Variants in PRKDC observed in about 807,000 individuals in gnomAD.
PRKDC encodes protein kinase, DNA-activated, catalytic subunit.
A neutral mutation model predicts 486.9 loss-of-function variants in PRKDC; 82 were observed. The ratio of observed to expected loss-of-function variants is 0.17; its 90% CI spans 0.14 to 0.20. The LOEUF (loss-of-function observed/expected upper bound fraction) is 0.20. Among genes scored for constraint, PRKDC ranks in the 10% least tolerant of loss-of-function variants. The pLI is 1.00. For missense variants in PRKDC, 4,504 were observed against 5,038.2 expected (o/e 0.89, Z 3.21); for synonymous variants, 1,895 against 1,837.0 (o/e 1.03, Z -0.81).
intron 83 of PRKDC, 134 bp from the exon 84 acceptor site, chr8:47,778,008 G>T: frequency 1.1e-6 from 1 of 882,592 alleles, no homozygotes; most frequent in Non-Finnish European, 1.7e-6. Flanking sequence ...CTTGAAATCA[G>T]CTACACAGAT....
chr8:47,776,694 C>T, intron 85 of PRKDC, 150 bp downstream of exon 85: 3 of 1,095,878 alleles, frequency 2.7e-6, no homozygotes, highest in Non-Finnish European at 3.9e-6. Context: ...GGAAGTCAGC[C>T]TCTCTAAGCC....
At chr8:47,839,293 G>A (rs778210427) in intron 55 of PRKDC, 47 bp from the exon 56 acceptor site, 3 of 1,375,158 alleles carry the variant, frequency 2.2e-6, no homozygotes, top group Non-Finnish European at 3.1e-6. Flanking sequence ...GCTCTCTTCT[G>A]GCCCTTTTGT....
intron 63 of PRKDC, among the ~76,000 whole-genome samples, chr8:47,824,603 T>C (rs1270035275): frequency 6.6e-6 from 1 of 152,086 alleles, no homozygotes; most frequent in Non-Finnish European, 1.5e-5. Context: ...TTGGAATCCT[T>C]GTCTAGCTCC....
At chr8:47,914,195 T>G in intron 23 of PRKDC, 131 bp from the exon 24 acceptor site, 1 of 745,554 alleles carries the variant, frequency 1.3e-6, no homozygotes, top group Non-Finnish European at 1.9e-6. Context: ...TCATTCATCT[T>G]TCCCTTTTCT....
intron 58 of PRKDC, among the ~76,000 whole-genome samples, chr8:47,835,969 T>G (rs964010753): frequency 1.3e-5 from 2 of 152,182 alleles, no homozygotes; most frequent in African/African-American, 4.8e-5. Context: ...AGTCTTTCCA[T>G]GTTGCCCAGG....
chr8:47,822,409 T>C (rs1487751042), intron 64 of PRKDC, among the ~76,000 whole-genome samples: 2 of 152,114 alleles, frequency 1.3e-5, no homozygotes, highest in Non-Finnish European at 2.9e-5. Context: ...GATTTACATC[T>C]CTACTGGGGG....
At chr8:47,871,674 C>G (rs934745008) in intron 40 of PRKDC, among the ~76,000 whole-genome samples, 1 of 152,120 alleles carries the variant, frequency 6.6e-6, no homozygotes, top group African/African-American at 2.4e-5. Context: ...TCTTAGCTCA[C>G]TGCGACCTCC....
At chr8:47,898,984 G>A (rs1397815742) in intron 28 of PRKDC, among the ~76,000 whole-genome samples, 1 of 152,164 alleles carries the variant, frequency 6.6e-6, no homozygotes, top group African/African-American at 2.4e-5. Context: ...ATTTTAAAGG[G>A]GTGTAAATCC....
intron 18 of PRKDC, 27 bp from the exon 19 acceptor site, chr8:47,929,205 C>T (rs2090208404): frequency 6.9e-7 from 1 of 1,454,274 alleles, no homozygotes; most frequent in East Asian, 2.4e-5. Context: ...CAAGTTAGTA[C>T]ACTGAACAAG....
At chr8:47,941,026 A>C (rs2090435046) in intron 10 of PRKDC, among the ~76,000 whole-genome samples, 1 of 151,400 alleles carries the variant, frequency 6.6e-6, no homozygotes, top group Non-Finnish European at 1.5e-5. Flanking sequence ...ACTATTTGGG[A>C]GGCTGAGGCA....
intron 52 of PRKDC, among the ~76,000 whole-genome samples, chr8:47,850,985 T>C (rs916649605): frequency 6.6e-6 from 1 of 152,158 alleles, no homozygotes; most frequent in African/African-American, 2.4e-5. Context: ...AATTTTTGTA[T>C]TTTTTGTGGA....
intron 68 of PRKDC, 124 bp from the exon 69 acceptor site, chr8:47,807,450 ACT>A: frequency 1.2e-6 from 1 of 822,060 alleles, no homozygotes; most frequent in Non-Finnish European, 1.8e-6. Context: ...ATGGAGTCTC[ACT>A]CTGTTGCCCA....
intron 4 of PRKDC, among the ~76,000 whole-genome samples, chr8:47,954,951 C>T (rs1165137177): frequency 2.0e-5 from 3 of 151,732 alleles, no homozygotes; most frequent in East Asian, 1.9e-4. Context: ...GTCAGGAGTT[C>T]GAGACCAGTG....
At chr8:47,862,298 C>T in intron 43 of PRKDC, 75 bp downstream of exon 43, 1 of 1,465,436 alleles carries the variant, frequency 6.8e-7, no homozygotes, top group East Asian at 2.3e-5. Context: ...TATAAATTAT[C>T]TGTAAGTTTG....
At chr8:47,845,548 T>C (rs569843384) in intron 54 of PRKDC, among the ~76,000 whole-genome samples, 23 of 151,690 alleles carry the variant, frequency 1.5e-4, no homozygotes, top group East Asian at 5.8e-4. Flanking sequence ...CTAGAGGAAA[T>C]AGATACATTC....
intron 40 of PRKDC, among the ~76,000 whole-genome samples, chr8:47,872,794 A>G (rs2088986959): frequency 6.6e-6 from 1 of 152,216 alleles, no homozygotes; most frequent in African/African-American, 2.4e-5. Context: ...TATAAATCAA[A>G]TATTAGAGCT....
chr8:47,936,868 G>A (rs939978513), intron 11 of PRKDC, among the ~76,000 whole-genome samples: 1 of 147,484 alleles, frequency 6.8e-6, no homozygotes, highest in African/African-American at 2.5e-5. Context: ...CAGGTGATCT[G>A]CCCACCTCAG....
intron 68 of PRKDC, among the ~76,000 whole-genome samples, chr8:47,808,065 G>A (rs983458297): frequency 6.6e-6 from 1 of 152,120 alleles, no homozygotes; most frequent in Non-Finnish European, 1.5e-5. Context: ...ACCCTGTGTT[G>A]AGCCATTTTG....
chr8:47,785,971 T>C (rs1051275022), intron 76 of PRKDC, among the ~76,000 whole-genome samples: 67 of 151,886 alleles, frequency 4.4e-4, no homozygotes, highest in Non-Finnish European at 8.2e-4. Flanking sequence ...TCGGGTGTGG[T>C]GGCTCATGCC....
Sources: gnomAD v4.1 joint callset for allele counts (sites outside exome capture counted in the v4.1 genomes callset) on GRCh38, gnomAD v4.1.1 for gene constraint, MANE v1.5 for transcripts, NCBI Gene and HGNC (gene_info 2026-07-23, HGNC 2026-07-21) for gene names.